Variants in USP9X observed in about 807,000 individuals in gnomAD.
USP9X encodes ubiquitin specific peptidase 9 X-linked.
In USP9X, 7 loss-of-function variants were observed where a neutral mutation model predicts 190.3. That is an observed-to-expected ratio of 0.04 (90% CI 0.02 to 0.07). The LOEUF (loss-of-function observed/expected upper bound fraction) is 0.07, where lower values mean the gene tolerates loss of function less well. Ranked by LOEUF, USP9X falls within the 10% of genes least tolerant of loss-of-function variation. The pLI, the probability that USP9X is intolerant of heterozygous loss-of-function variation, is 1.00. For synonymous variants in USP9X, 645 were observed against 659.5 expected (o/e 0.98, Z 0.34); for missense variants, 1,010 against 1,916.9 (o/e 0.53, Z 8.83).
At chrX:41,215,587 C>T (rs745543350) in intron 34 of USP9X, among the ~76,000 whole-genome samples, 5 of 112,851 alleles carry the variant, frequency 4.4e-5, no homozygotes, top group South Asian at 3.6e-4. Flanking sequence ...ATTAGCTACT[C>T]TTATTGTTAT....
chrX:41,157,781 C>T (rs2062592092), intron 14 of USP9X, among the ~76,000 whole-genome samples: 1 of 111,347 alleles, frequency 9.0e-6, no homozygotes, highest in Non-Finnish European at 1.9e-5. Flanking sequence ...CAGAGACTGC[C>T]TTTGAAGGAG....
intron 26 of USP9X, among the ~76,000 whole-genome samples, chrX:41,191,491 C>T (rs900570444): frequency 8.1e-5 from 9 of 111,349 alleles, no homozygotes; most frequent in Middle Eastern, 4.7e-3. Context: ...TCACTTAATC[C>T]GTATAGCAAC....
intron 36 of USP9X, 152 bp from the exon 37 acceptor site, chrX:41,218,220 A>G (rs984742451): frequency 4.1e-5 from 20 of 484,955 alleles, no homozygotes; most frequent in Non-Finnish European, 6.4e-5. Context: ...GTATTTATCT[A>G]TTGTTTTAAT....
chrX:41,188,262 A>G, intron 25 of USP9X, 145 bp downstream of exon 25: 1 of 626,839 alleles, frequency 1.6e-6, no homozygotes, highest in Non-Finnish European at 2.3e-6. Context: ...CTATGTTGAG[A>G]ATATGGTAAA....
At chrX:41,115,426 T>C (rs2062141470) in intron 1 of USP9X, among the ~76,000 whole-genome samples, 1 of 111,435 alleles carries the variant, frequency 9.0e-6, no homozygotes, top group African/African-American at 3.3e-5. Flanking sequence ...TGATTGTTGG[T>C]GCATAAAACC....
chrX:41,187,633 A>T (rs1485259846), intron 24 of USP9X, among the ~76,000 whole-genome samples: 1 of 111,837 alleles, frequency 8.9e-6, no homozygotes, highest in Non-Finnish European at 1.9e-5. Context: ...TGGGGAGCGT[A>T]CTTTGTTGTA....
chrX:41,141,266 A>G lies in USP9X; in HGVS notation c.1023-27A>G, dbSNP rs766265527. ...AATTGTTAATGCCGATTTTAGAATC[A>G]TACTTATCACTGAATTTTTCTTACA... On this transcript the variant is annotated intron_variant, in intron 8 of 44. Transcript: ENST00000378308. 5 of 1,197,832 alleles carry G rather than the reference A, an allele frequency of 4.2e-6. No individual in the cohort carries two copies. In the African/African-American group the frequency reaches 8.8e-5, roughly 21 times the overall value.
Position 41,100,603 on chromosome X carries a change from C to T in USP9X, c.-159+14494C>T, listed in dbSNP as rs550865100. 3.6e-5 allele frequency among the ~76,000 whole-genome samples: 4 copies of T among 111,500 alleles called. No individual in the cohort carries two copies. In the South Asian group the frequency reaches 1.1e-3, roughly 31 times the overall value. On this transcript the variant is annotated intron_variant, in intron 1 of 44. Coordinates refer to ENST00000378308, the MANE Select transcript of USP9X (RefSeq NM_001039591.3). ...TTATTTGCTCTTTCATAAAATCTAG[C>T]TAAAAGGGCCCTTAGCATGCAACTC...
At chrX:41,165,156 C>T (rs1488430388) in intron 15 of USP9X, among the ~76,000 whole-genome samples, 3 of 92,311 alleles carry the variant, frequency 3.2e-5, no homozygotes, top group Non-Finnish European at 6.8e-5. Context: ...AAGCAGGCTG[C>T]TAAGTCTTTT....
intron 15 of USP9X, among the ~76,000 whole-genome samples, chrX:41,163,210 C>T (rs913414712): frequency 4.5e-5 from 5 of 111,267 alleles, no homozygotes; most frequent in African/African-American, 1.6e-4. Context: ...ATATCATAGA[C>T]ACTAAGGAAA....
chrX:41,162,829 GTAGA>G lies in USP9X; in HGVS notation c.1940_1943del (p.Arg647IlefsTer18). 8.3e-7 allele frequency: 1 copy of G among 1,209,671 alleles called. No homozygotes were observed. Among genetic ancestry groups the G allele is most frequent in the Non-Finnish European group, 1.1e-6 (1 of 894,501 alleles). On this transcript the variant is annotated frameshift_variant, in exon 15 of 45. Coordinates refer to ENST00000378308, the MANE Select transcript of USP9X (RefSeq NM_001039591.3). LOFTEE classifies it high-confidence loss of function. ...GACCCACAAACTGTGAGGCTGGGAA[GTAGA>G]TATAGTCATGTTCAAGAAGTTCAAG...
chrX:41,235,888 TGTAAATGAAAAC>T lies in USP9X; in HGVS notation c.*3365_*3376del, dbSNP rs2063395775. ...TGAGGAGACTTTTTTGACTTACATT[TGTAAATGAAAAC>T]AAGTCTGTGAATATTCAGATGACTA... On this transcript the variant is annotated 3_prime_UTR_variant, in exon 45 of 45. Coordinates refer to ENST00000378308, the MANE Select transcript of USP9X (RefSeq NM_001039591.3). 8.9e-6 allele frequency: 1 copy of T among 112,306 alleles called. No homozygotes were observed. Among genetic ancestry groups the T allele is most frequent in the Non-Finnish European group, 1.9e-5 (1 of 53,174 alleles). The allele number at this position is 112,306 out of a possible 1,213,427, so 9.3% of individuals were successfully genotyped here.
At chrX:41,131,371 C>A in intron 3 of USP9X, 86 bp from the exon 4 acceptor site, 2 of 667,788 alleles carry the variant, frequency 3.0e-6, no homozygotes, top group South Asian at 4.0e-5. Context: ...ATTTTCATAG[C>A]AAGATAATTA....
intron 29 of USP9X, among the ~76,000 whole-genome samples, chrX:41,198,007 C>A (rs2063003088): frequency 9.0e-6 from 1 of 111,532 alleles, no homozygotes; most frequent in Admixed American, 9.5e-5. Context: ...AGAGCAAGGC[C>A]CTGTCTCAAA....
Position 41,168,007 on chromosome X carries a change from G to C in USP9X, c.2425G>C (p.Val809Leu). The change falls in exon 18 of 45, where the codon GTG becomes CTG. Residue 809 changes from valine to leucine, a missense_variant and splice_region_variant. Physicochemically the swap from Val to Leu is conservative, Grantham distance 32. This residue lies in a region of USP9X where 104 missense variants were observed against 239.8 expected (regional missense o/e 0.43). Coordinates refer to ENST00000378308, the MANE Select transcript of USP9X (RefSeq NM_001039591.3). ...NLGPRLQVNQ[V>L]VIHEDFIQSC... Reference sequence around the variant, plus strand: ...TGTTTATTTGGCCTGATATTTGTAGGTGGTGATCCATGAAGACTTCATTCA... The same window carrying C: ...TGTTTATTTGGCCTGATATTTGTAGCTGGTGATCCATGAAGACTTCATTCA... 1.7e-6 allele frequency: 2 copies of C among 1,198,043 alleles called. No individual in the cohort carries two copies. The highest frequency in any genetic ancestry group is 2.3e-6 in the Non-Finnish European group (2 of 888,073).
At position 41,208,272 on chromosome X, in the gene USP9X, G is replaced by A. The variant is rs752991860; in HGVS notation, c.5016-2237G>A. On this transcript the variant is annotated intron_variant, in intron 32 of 44. Coordinates refer to ENST00000378308, the MANE Select transcript of USP9X (RefSeq NM_001039591.3). ...ACTCCTGACTTCAGGTGATCCACCC[G>A]CCTCAGCCTCCCAAAGTGCTGGGAT... is the stretch of plus-strand genomic sequence containing the variant. Among the ~76,000 whole-genome samples the A allele has an allele frequency of 4.5e-5, 5 of 111,925 alleles. No individual in the cohort carries two copies. In the South Asian group the frequency reaches 1.1e-3, roughly 25 times the overall value.
intron 26 of USP9X, 93 bp from the exon 27 acceptor site, chrX:41,196,158 T>TC (rs1330875696): frequency 1.8e-5 from 18 of 1,002,999 alleles, no homozygotes; most frequent in Non-Finnish European, 2.5e-5. Context: ...CCTTTTATAC[T>TC]CCCCCCACCT....
At chrX:41,087,661 C>T (rs952761458) in intron 1 of USP9X, among the ~76,000 whole-genome samples, 2 of 112,203 alleles carry the variant, frequency 1.8e-5, no homozygotes, top group East Asian at 2.8e-4. Context: ...ATTGGTGTTC[C>T]ACAGGTGAAC....
At chrX:41,207,447 C>T (rs2063113402) in intron 32 of USP9X, among the ~76,000 whole-genome samples, 2 of 111,376 alleles carry the variant, frequency 1.8e-5, no homozygotes, top group African/African-American at 6.5e-5. Context: ...TTTATTTTTT[C>T]ATTTAATAGC....
Sources: gnomAD v4.1 joint callset for allele counts (sites outside exome capture counted in the v4.1 genomes callset) on GRCh38, gnomAD v4.1.1 for gene constraint, gnomAD v4.1.1 regional missense constraint, MANE v1.5 for transcripts, NCBI Gene and HGNC (gene_info 2026-07-23, HGNC 2026-07-21) for gene names.